Variants in ARB2A observed in about 807,000 individuals in gnomAD.
The protein encoded by ARB2A is cotranscriptional regulator ARB2A.
the ARB2A span, among the ~76,000 whole-genome samples, chr5:93,970,600 C>T: frequency 4.6e-5 from 7 of 151,632 alleles, no homozygotes; most frequent in Middle Eastern, 3.4e-3. Flanking sequence ...CTCCCCACAA[C>T]CAAAAAAAAG....
the ARB2A span, among the ~76,000 whole-genome samples, chr5:94,091,372 C>T: frequency 6.6e-6 from 1 of 152,132 alleles, no homozygotes; most frequent in Non-Finnish European, 1.5e-5. Context: ...ATATTCTAGT[C>T]ACAACCACCT....
chr5:93,648,805 A>T, the ARB2A span, among the ~76,000 whole-genome samples: 1 of 152,172 alleles, frequency 6.6e-6, no homozygotes, highest in Non-Finnish European at 1.5e-5. Context: ...TTTAACTTTA[A>T]TTTGTCCCGA....
At chr5:93,645,349 A>G in the ARB2A span, among the ~76,000 whole-genome samples, 148,500 of 152,250 alleles carry the variant, frequency 0.98, 72,437 homozygotes, top group East Asian at 1. Context: ...CAAGGCAGGC[A>G]GATAAAGAGG....
At chr5:93,653,373 G>A in the ARB2A span, among the ~76,000 whole-genome samples, 50 of 151,080 alleles carry the variant, frequency 3.3e-4, 1 homozygote, top group Admixed American at 3.2e-3. Flanking sequence ...TTAGCTGGGC[G>A]TGGTAGCGGG....
the ARB2A span, among the ~76,000 whole-genome samples, chr5:93,658,700 T>C: frequency 6.6e-6 from 1 of 152,128 alleles, no homozygotes; most frequent in Non-Finnish European, 1.5e-5. Flanking sequence ...TGAGCTTATA[T>C]GTTTTTGCTT....
chr5:93,835,008 A>G, the ARB2A span, among the ~76,000 whole-genome samples: 1 of 152,380 alleles, frequency 6.6e-6, no homozygotes, highest in South Asian at 2.1e-4. Flanking sequence ...ATTTTAGAAT[A>G]TGCTAACGTA....
At chr5:93,884,817 C>T in the ARB2A span, among the ~76,000 whole-genome samples, 1 of 151,488 alleles carries the variant, frequency 6.6e-6, no homozygotes, top group Non-Finnish European at 1.5e-5. Flanking sequence ...TCACAGAGAT[C>T]ATTCATAACC....
chr5:93,850,068 G>C, the ARB2A span, among the ~76,000 whole-genome samples: 1 of 151,898 alleles, frequency 6.6e-6, no homozygotes, highest in African/African-American at 2.4e-5. Flanking sequence ...TAATTCATTT[G>C]CCCAACATAA....
the ARB2A span, among the ~76,000 whole-genome samples, chr5:93,809,162 T>C: frequency 1.3e-5 from 2 of 152,042 alleles, no homozygotes. Context: ...AGTCCTCTAC[T>C]GTACAGTTCA....
the ARB2A span, among the ~76,000 whole-genome samples, chr5:94,083,836 A>C: frequency 1.3e-5 from 2 of 152,030 alleles, no homozygotes; most frequent in Admixed American, 6.5e-5. Context: ...AAAAAAAAAA[A>C]CAAGAATCTC....
the ARB2A span, among the ~76,000 whole-genome samples, chr5:93,750,287 G>A: frequency 0.014 from 2,101 of 152,222 alleles, 56 homozygotes; most frequent in African/African-American, 0.048. Context: ...TTCAAGCCTT[G>A]CTACTTATGC....
chr5:94,078,786 C>T, the ARB2A span, among the ~76,000 whole-genome samples: 1 of 151,718 alleles, frequency 6.6e-6, no homozygotes, highest in Non-Finnish European at 1.5e-5. Flanking sequence ...AATTTCAGTT[C>T]CACCATCTAG....
At chr5:93,688,811 T>C in the ARB2A span, among the ~76,000 whole-genome samples, 1 of 152,122 alleles carries the variant, frequency 6.6e-6, no homozygotes, top group Non-Finnish European at 1.5e-5. Context: ...CTATTACCCA[T>C]GAAAGCTGAT....
the ARB2A span, among the ~76,000 whole-genome samples, chr5:93,748,964 A>G: frequency 6.6e-6 from 1 of 152,138 alleles, no homozygotes; most frequent in Non-Finnish European, 1.5e-5. Context: ...CTTAAGTTTC[A>G]ATCAGCTTTC....
chr5:93,927,175 G>GTA, the ARB2A span, among the ~76,000 whole-genome samples: 1 of 152,270 alleles, frequency 6.6e-6, no homozygotes, highest in East Asian at 1.9e-4. Flanking sequence ...ACAAAAAGGA[G>GTA]TATGCTCTTA....
the ARB2A span, among the ~76,000 whole-genome samples, chr5:94,098,953 C>T: frequency 6.6e-6 from 1 of 152,076 alleles, no homozygotes; most frequent in African/African-American, 2.4e-5. Context: ...CTGAACAGAC[C>T]ATTAACGAGC....
At chr5:94,111,156 AG>A in the ARB2A span, among the ~76,000 whole-genome samples, 3 of 152,144 alleles carry the variant, frequency 2.0e-5, no homozygotes, top group East Asian at 5.8e-4. Context: ...TACTTTTTGT[AG>A]AAAAAAAAAT....
At chr5:94,087,006 G>A in the ARB2A span, among the ~76,000 whole-genome samples, 2 of 152,192 alleles carry the variant, frequency 1.3e-5, no homozygotes, top group African/African-American at 4.8e-5. Context: ...AGCTCCATAT[G>A]CGTTGCTGGC....
At chr5:93,716,693 CAAAA>C in the ARB2A span, among the ~76,000 whole-genome samples, 14 of 36,686 alleles carry the variant, frequency 3.8e-4, no homozygotes, top group Admixed American at 5.4e-3. Flanking sequence ...ATAAGCTGTG[CAAAA>C]AAAAAAAAAA....
Sources: gnomAD v4.1 joint callset for allele counts (sites outside exome capture counted in the v4.1 genomes callset) on GRCh38, gnomAD v4.1.1 for gene constraint, MANE v1.5 for transcripts, NCBI Gene and HGNC (gene_info 2026-07-23, HGNC 2026-07-21) for gene names.